Variants in ST8SIA3 observed in about 807,000 individuals in gnomAD.
The protein encoded by ST8SIA3 is alpha-N-acetylneuraminate alpha-2,8-sialyltransferase ST8SIA3.
Under a neutral mutation model 34.5 loss-of-function variants are expected in ST8SIA3, and 17 were observed. The observed-to-expected ratio is 0.49, with a 90% CI of 0.34 to 0.74. The LOEUF (loss-of-function observed/expected upper bound fraction) is 0.74, where lower values mean the gene tolerates loss of function less well. Ranked by LOEUF, ST8SIA3 falls within the 30% of genes least tolerant of loss-of-function variation. ST8SIA3 has a pLI of 0.01. For synonymous variants in ST8SIA3, 172 were observed against 176.1 expected (o/e 0.98, Z 0.19); for missense variants, 354 against 467.8 (o/e 0.76, Z 2.24).
intron 2 of ST8SIA3, among the ~76,000 whole-genome samples, chr18:57,355,852 C>A (rs1376812763): frequency 2.0e-5 from 3 of 152,048 alleles, no homozygotes; most frequent in African/African-American, 7.2e-5. Flanking sequence ...TCTGCCTTAC[C>A]TTTTTAACAA....
chr18:57,358,297 T>A (rs901513259), intron 3 of ST8SIA3, among the ~76,000 whole-genome samples: 3 of 152,190 alleles, frequency 2.0e-5, no homozygotes, highest in African/African-American at 4.8e-5. Flanking sequence ...TTCTTTTAAA[T>A]CATCTGGAGA....
chr18:57,363,500 G>T lies in ST8SIA3; in HGVS notation c.*3223G>T, dbSNP rs554981205. ...TATGACTACTGTGCCATCTGTCTGTGACCTTGATGTCAGGTACCTGGCCAT... is the reference window on the plus strand; with the variant it reads ...TATGACTACTGTGCCATCTGTCTGTTACCTTGATGTCAGGTACCTGGCCAT... On this transcript the variant is annotated 3_prime_UTR_variant, in exon 4 of 4. Coordinates refer to ENST00000324000, the MANE Select transcript of ST8SIA3 (RefSeq NM_015879.3). 6.6e-6 allele frequency: 1 copy of T among 152,324 alleles called. No individual in the cohort carries two copies. The highest frequency in any genetic ancestry group is 1.5e-5 in the Non-Finnish European group (1 of 68,106). 9.4% of individuals were successfully genotyped at this position (152,324 alleles called of 1,614,324 possible).
At chr18:57,353,160 CCT>C (rs764753108) in intron 1 of ST8SIA3, 135 bp downstream of exon 1, 23 of 800,588 alleles carry the variant, frequency 2.9e-5, no homozygotes, top group South Asian at 2.5e-4. Flanking sequence ...TCCTTCCACT[CCT>C]CTCTCTAATT....
Position 57,363,563 on chromosome 18 carries a change from GC to G in ST8SIA3, c.*3290del, listed in dbSNP as rs1242005435. ...AAGGATGTGCAAAGGAAGAACCGCTGCCCCTGCCCTCAGCTTCCTTATGCCC... is the reference window on the plus strand; with the variant it reads ...AAGGATGTGCAAAGGAAGAACCGCTGCCCTGCCCTCAGCTTCCTTATGCCC... On this transcript the variant is annotated 3_prime_UTR_variant, in exon 4 of 4. Transcript: ENST00000324000. 4 of 152,364 alleles carry G rather than the reference GC, an allele frequency of 2.6e-5. No homozygotes were observed. Among genetic ancestry groups the G allele is most frequent in the African/African-American group, 9.6e-5 (4 of 41,574 alleles). The allele number at this position is 152,364 out of a possible 1,614,324, so 9.4% of individuals were successfully genotyped here.
Position 57,352,886 on chromosome 18 carries a change from G to T in ST8SIA3, c.40G>T (p.Gly14Trp). 1.2e-6 allele frequency: 2 copies of T among 1,613,738 alleles called. No homozygotes were observed. Among genetic ancestry groups the T allele is most frequent in the Non-Finnish European group, 1.7e-6 (2 of 1,179,982 alleles). Residue 14 changes from glycine to tryptophan, a missense_variant, in exon 1 of 4, where the codon GGG (glycine) becomes TGG (tryptophan). Gly to Trp is a radical substitution (Grantham distance 184). Coordinates refer to ENST00000324000, the MANE Select transcript of ST8SIA3 (RefSeq NM_015879.3). ...CKMARVASVL[G>W]LVMLSVALLI... is the part of the protein sequence containing the mutation. Reference sequence around the variant, plus strand: ...AATGGCCCGGGTCGCCAGTGTGCTGGGGCTGGTCATGCTCAGCGTCGCCCT... The same window carrying T: ...AATGGCCCGGGTCGCCAGTGTGCTGTGGCTGGTCATGCTCAGCGTCGCCCT...
chr18:57,359,082 T>G (rs1299367824), intron 3 of ST8SIA3, among the ~76,000 whole-genome samples: 1 of 152,182 alleles, frequency 6.6e-6, no homozygotes, highest in East Asian at 1.9e-4. Context: ...ATAATGTTTC[T>G]TAGCCACTCG....
Position 57,360,444 on chromosome 18 carries a change from T to C in ST8SIA3, c.*167T>C. The C allele has an allele frequency of 1.4e-6, 1 of 704,842 alleles. No homozygotes were observed. Among genetic ancestry groups the C allele is most frequent in the Non-Finnish European group, 2.3e-6 (1 of 435,434 alleles). 43.7% of individuals were successfully genotyped at this position (704,842 alleles called of 1,614,324 possible). Reference sequence around the variant, plus strand: ...TGCTCTTTTAAGAGTTTTAGCAGATTTAGCAGGACAGATGCATTGAAGCCA... The same window carrying C: ...TGCTCTTTTAAGAGTTTTAGCAGATCTAGCAGGACAGATGCATTGAAGCCA... On this transcript the variant is annotated 3_prime_UTR_variant, in exon 4 of 4. Transcript: ENST00000324000.
At chr18:57,356,180 T>C (rs1203984474) in intron 2 of ST8SIA3, among the ~76,000 whole-genome samples, 1 of 152,192 alleles carries the variant, frequency 6.6e-6, no homozygotes, top group Non-Finnish European at 1.5e-5. Context: ...TAAGTATCAG[T>C]CTTGCCTTGT....
Position 57,366,506 on chromosome 18 carries a change from T to G in ST8SIA3, c.*6229T>G, listed in dbSNP as rs376844528. ...TCACTTGTTTCCCCAACTTTGTCATTTTCCCTATCCACTTGCCCCTCATCC... is the reference window on the plus strand; with the variant it reads ...TCACTTGTTTCCCCAACTTTGTCATGTTCCCTATCCACTTGCCCCTCATCC... On this transcript the variant is annotated 3_prime_UTR_variant, in exon 4 of 4. Transcript: ENST00000324000. 2 of 152,316 alleles carry G rather than the reference T, an allele frequency of 1.3e-5. No individual in the cohort carries two copies. Among genetic ancestry groups the G allele is most frequent in the South Asian group, 2.1e-4 (1 of 4,820 alleles). 9.4% of individuals were successfully genotyped at this position (152,316 alleles called of 1,614,324 possible).
intron 3 of ST8SIA3, among the ~76,000 whole-genome samples, chr18:57,359,103 A>T (rs2049814912): frequency 6.6e-6 from 1 of 152,144 alleles, no homozygotes. Context: ...GGCCTCAAAA[A>T]AATACATGGG....
chr18:57,361,279 A>G lies in ST8SIA3; in HGVS notation c.*1002A>G, dbSNP rs1341711490. On this transcript the variant is annotated 3_prime_UTR_variant, in exon 4 of 4. Coordinates refer to ENST00000324000, the MANE Select transcript of ST8SIA3 (RefSeq NM_015879.3). ...GACACACAAAGGAAAAGGAAGAAGA[A>G]TATTTAGAAGTTGTTATGGAATCCT... 1 of 152,248 alleles carries G rather than the reference A, an allele frequency of 6.6e-6. No individual in the cohort carries two copies. Among genetic ancestry groups the G allele is most frequent in the Non-Finnish European group, 1.5e-5 (1 of 68,074 alleles). 9.4% of individuals were successfully genotyped at this position (152,248 alleles called of 1,614,324 possible).
rs1406190915 is a variant in ST8SIA3 at position 57,367,229 on chromosome 18, G to A, written c.*6952G>A. On this transcript the variant is annotated 3_prime_UTR_variant, in exon 4 of 4. Coordinates refer to ENST00000324000, the MANE Select transcript of ST8SIA3 (RefSeq NM_015879.3). ...AGGTTCTGTAAGGCATTTCTAAACT[G>A]TAAATGCTTGAAACGCAAGTTGGAC... 2 of 152,198 alleles carry A rather than the reference G, an allele frequency of 1.3e-5. No individual in the cohort carries two copies. Among genetic ancestry groups the A allele is most frequent in the Non-Finnish European group, 2.9e-5 (2 of 68,038 alleles). The allele number at this position is 152,198 out of a possible 1,614,324, so 9.4% of individuals were successfully genotyped here. A position where few individuals can be genotyped will look rare whatever the true frequency, so the allele number is the denominator to read the frequency against.
intron 2 of ST8SIA3, among the ~76,000 whole-genome samples, chr18:57,356,604 G>T (rs940645586): frequency 6.6e-6 from 1 of 152,156 alleles, no homozygotes; most frequent in Admixed American, 6.5e-5. Flanking sequence ...GACACAATTT[G>T]CCCTATACCT....
Position 57,367,959 on chromosome 18 carries a change from C to T in ST8SIA3, c.*7682C>T, listed in dbSNP as rs1448483879. On this transcript the variant is annotated 3_prime_UTR_variant, in exon 4 of 4. Coordinates refer to ENST00000324000, the MANE Select transcript of ST8SIA3 (RefSeq NM_015879.3). ...ACATCGCAATACACTATCATTTACT[C>T]ACATGGGACAACCACCTAAGTCCAT... 2.0e-5 allele frequency: 3 copies of T among 152,654 alleles called. No individual in the cohort carries two copies. In the East Asian group the frequency reaches 5.8e-4, roughly 29 times the overall value. The allele number at this position is 152,654 out of a possible 1,614,324, so 9.5% of individuals were successfully genotyped here. A position where few individuals can be genotyped will look rare whatever the true frequency, so the allele number is the denominator to read the frequency against.
At chr18:57,355,968 G>C (rs1220379353) in intron 2 of ST8SIA3, among the ~76,000 whole-genome samples, 3 of 152,172 alleles carry the variant, frequency 2.0e-5, no homozygotes, top group African/African-American at 7.2e-5. Flanking sequence ...CCAAGCAACG[G>C]ATGATGTGCA....
intron 2 of ST8SIA3, among the ~76,000 whole-genome samples, chr18:57,356,506 G>T (rs1309422401): frequency 6.6e-6 from 1 of 152,188 alleles, no homozygotes; most frequent in Non-Finnish European, 1.5e-5. Flanking sequence ...CAAACAAGTA[G>T]ACCCTAGTTA....
intron 1 of ST8SIA3, among the ~76,000 whole-genome samples, chr18:57,353,864 G>T (rs2049781473): frequency 6.6e-6 from 1 of 152,200 alleles, no homozygotes; most frequent in African/African-American, 2.4e-5. Flanking sequence ...GAGGAGCCTC[G>T]CCTGGACCGA....
In ST8SIA3 at chr18:57,352,607, C is replaced by A; in HGVS notation, c.-240C>A. 1.9e-6 allele frequency: 1 copy of A among 518,758 alleles called. No homozygotes were observed. Among genetic ancestry groups the A allele is most frequent in the South Asian group, 1.8e-5 (1 of 54,356 alleles). 32.1% of individuals were successfully genotyped at this position (518,758 alleles called of 1,614,324 possible). The stretch of plus-strand genomic sequence containing the variant: ...CTCCATCTTCCTGCTCGGCACCGGG[C>A]CCCGCGCGCCCCTGCCTACGGGGTC... On this transcript the variant is annotated 5_prime_UTR_variant, in exon 1 of 4. Coordinates refer to ENST00000324000, the MANE Select transcript of ST8SIA3 (RefSeq NM_015879.3).
In ST8SIA3 at chr18:57,365,830, C is replaced by T. The variant is rs1164364606; in HGVS notation, c.*5553C>T. ...CCGTCCTAATGAAGCTTTGGCCAGACTTCTTTCTATAGCTGTGCACATAGA... is the reference window on the plus strand; with the variant it reads ...CCGTCCTAATGAAGCTTTGGCCAGATTTCTTTCTATAGCTGTGCACATAGA... On this transcript the variant is annotated 3_prime_UTR_variant, in exon 4 of 4. Coordinates refer to ENST00000324000, the MANE Select transcript of ST8SIA3 (RefSeq NM_015879.3). The T allele has an allele frequency of 6.6e-6, 1 of 152,226 alleles. No individual in the cohort carries two copies. The highest frequency in any genetic ancestry group is 1.5e-5 in the Non-Finnish European group (1 of 68,052). 9.4% of individuals were successfully genotyped at this position (152,226 alleles called of 1,614,324 possible).
Sources: gnomAD v4.1 joint callset for allele counts (sites outside exome capture counted in the v4.1 genomes callset) on GRCh38, gnomAD v4.1.1 for gene constraint, MANE v1.5 for transcripts, NCBI Gene and HGNC (gene_info 2026-07-23, HGNC 2026-07-21) for gene names.